The following USPL1 variants were observed in gnomAD, a reference collection of about 807,000 sequenced individuals.
USPL1 encodes SUMO-specific isopeptidase USPL1.
A neutral mutation model predicts 51.5 loss-of-function variants in USPL1; 27 were observed. The ratio of observed to expected loss-of-function variants is 0.52; its 90% confidence interval spans 0.39 to 0.72. The LOEUF is 0.72. Ranked by LOEUF, USPL1 falls within the 30% of genes least tolerant of loss-of-function variation. USPL1 has a pLI of 0.00. For synonymous variants in USPL1, 451 were observed against 459.6 expected (o/e 0.98, Z 0.24); for missense variants, 1,226 against 1,268.0 (o/e 0.97, Z 0.50).
At chr13:30,639,364 T>G (rs1950917257) in intron 5 of USPL1, among the ~76,000 whole-genome samples, 1 of 151,950 alleles carries the variant, frequency 6.6e-6, no homozygotes, top group Admixed American at 6.6e-5. Context: ...CCCCTAATTT[T>G]CACTTTTTTT....
intron 3 of USPL1, among the ~76,000 whole-genome samples, chr13:30,623,789 A>G (rs1950675377): frequency 6.6e-6 from 1 of 152,130 alleles, no homozygotes; most frequent in Non-Finnish European, 1.5e-5. Context: ...CAAGCTGTAT[A>G]AAAATATCAA....
chr13:30,629,813 A>G (rs1950776278), intron 3 of USPL1, among the ~76,000 whole-genome samples: 1 of 152,114 alleles, frequency 6.6e-6, no homozygotes, highest in South Asian at 2.1e-4. Context: ...TGTTCCATCA[A>G]AGCTAGTCAC....
At chr13:30,654,349 C>G (rs1466219472) in intron 8 of USPL1, among the ~76,000 whole-genome samples, 1 of 151,752 alleles carries the variant, frequency 6.6e-6, no homozygotes, top group Non-Finnish European at 1.5e-5. Flanking sequence ...CTCTCATTCT[C>G]TCTCTCTCTC....
chr13:30,657,511 T>C lies in USPL1; in HGVS notation c.1434T>C (p.Cys478=). The C allele has an allele frequency of 4.3e-6, 7 of 1,610,798 alleles. No individual in the cohort carries two copies. The highest frequency in any genetic ancestry group is 5.9e-6 in the Non-Finnish European group (7 of 1,178,822). The change falls in exon 9 of 9, where the codon TGT becomes TGC. Residue 478 remains cysteine, a synonymous_variant. Coordinates refer to ENST00000255304, the MANE Select transcript of USPL1 (RefSeq NM_005800.5). ...WLECDDLKGP[C]SERHKKFEVP... ...AATGTGATGACTTAAAAGGCCCATG[T>C]TCTGAAAGGCACAAGAAATTTGAAG...
chr13:30,659,250 A>C lies in USPL1; in HGVS notation c.3173A>C (p.Lys1058Thr), dbSNP rs1951221788. The change falls in exon 9 of 9, where the codon AAG becomes ACG. Residue 1058 changes from lysine to threonine, a missense_variant. By Grantham distance (78) the Lys-to-Thr change is moderately conservative (BLOSUM62 -1). Coordinates refer to ENST00000255304, the MANE Select transcript of USPL1 (RefSeq NM_005800.5). ...ACATTAAACTTGGAGAGTCCGATGA[A>C]GACTGATATTTTCGATGAGTTTTTT... ...VRTLNLESPM[K>T]TDIFDEFFSS... 4.3e-6 allele frequency: 7 copies of C among 1,614,192 alleles called. No individual in the cohort carries two copies. The East Asian group carries it at 1.6e-4, about 36-fold the overall frequency.
At chr13:30,630,393 G>C (rs1950785434) in intron 3 of USPL1, among the ~76,000 whole-genome samples, 1 of 152,118 alleles carries the variant, frequency 6.6e-6, no homozygotes, top group Admixed American at 6.5e-5. Context: ...TGCATATTCA[G>C]TTTCAAAATA....
chr13:30,640,087 C>G (rs910644613), intron 5 of USPL1, among the ~76,000 whole-genome samples: 1 of 152,144 alleles, frequency 6.6e-6, no homozygotes, highest in African/African-American at 2.4e-5. Flanking sequence ...TATATTTTAG[C>G]TGAAGATCTT....
At chr13:30,627,510 T>G (rs1950734470) in intron 3 of USPL1, among the ~76,000 whole-genome samples, 1 of 132,428 alleles carries the variant, frequency 7.6e-6, no homozygotes. Context: ...TTATGGTTTA[T>G]TACTGTTTTG....
rs941849592 is a variant in USPL1, at chr13:30,659,600, T to C, written c.*244T>C. 2.1e-5 allele frequency: 8 copies of C among 375,078 alleles called. No homozygotes were observed. The East Asian group carries it at 3.6e-4, about 17-fold the overall frequency. 23.2% of individuals were successfully genotyped at this position (375,078 alleles called of 1,614,324 possible). A position where few individuals can be genotyped will look rare whatever the true frequency, so the allele number is the denominator to read the frequency against. ...TTGTGAGAGTATGAGGATTTCAAAA[T>C]GTTAAAGATGAAAAGTGGCGTCTAG... On this transcript the variant is annotated 3_prime_UTR_variant, in exon 9 of 9. Transcript: ENST00000255304.
At chr13:30,642,318 T>C (rs1950958785) in intron 5 of USPL1, among the ~76,000 whole-genome samples, 1 of 152,080 alleles carries the variant, frequency 6.6e-6, no homozygotes. Flanking sequence ...TTTTTTTTTT[T>C]CCTGAGAAAT....
intron 6 of USPL1, among the ~76,000 whole-genome samples, chr13:30,644,814 G>A (rs970406214): frequency 2.6e-5 from 4 of 152,136 alleles, no homozygotes; most frequent in African/African-American, 9.7e-5. Flanking sequence ...GCTTTTTGTT[G>A]AGTAAACTTT....
At chr13:30,641,004 G>C (rs1346122920) in intron 5 of USPL1, among the ~76,000 whole-genome samples, 5 of 152,294 alleles carry the variant, frequency 3.3e-5, no homozygotes, top group Non-Finnish European at 7.4e-5. Flanking sequence ...ATGTAGGCTG[G>C]TGTTCCACCT....
At chr13:30,654,367 C>G (rs1951131932) in intron 8 of USPL1, among the ~76,000 whole-genome samples, 1 of 151,870 alleles carries the variant, frequency 6.6e-6, no homozygotes. Flanking sequence ...CTCTCTTTCT[C>G]TCTCTCCTTC....
chr13:30,631,527 G>T (rs1435268218), intron 4 of USPL1, 53 bp downstream of exon 4: 16 of 1,483,046 alleles, frequency 1.1e-5, no homozygotes, highest in African/African-American at 8.5e-5. Flanking sequence ...TGGAGTCAGG[G>T]TCTCATTCTG....
At chr13:30,637,651 A>T in intron 4 of USPL1, 93 bp from the exon 5 acceptor site, 2 of 1,043,370 alleles carry the variant, frequency 1.9e-6, no homozygotes, top group Non-Finnish European at 2.8e-6. Context: ...TGCAAAACTT[A>T]CTGACTCAGC....
intron 7 of USPL1, among the ~76,000 whole-genome samples, chr13:30,652,367 T>C (rs1951102456): frequency 6.6e-6 from 1 of 152,238 alleles, no homozygotes; most frequent in Admixed American, 6.5e-5. Context: ...CAAATTCATT[T>C]AGGCTGAATA....
chr13:30,655,177 C>T (rs1951145161), intron 8 of USPL1, among the ~76,000 whole-genome samples: 1 of 152,150 alleles, frequency 6.6e-6, no homozygotes, highest in South Asian at 2.1e-4. Flanking sequence ...CCTCAGGTGA[C>T]CCACCCGCCT....
At chr13:30,622,025 T>C (rs373888499) in intron 3 of USPL1, 133 bp downstream of exon 3, 16 of 577,572 alleles carry the variant, frequency 2.8e-5, no homozygotes, top group Non-Finnish European at 4.1e-5. Flanking sequence ...AGTTTGTAAG[T>C]CTGTCTGGTA....
intron 6 of USPL1, among the ~76,000 whole-genome samples, chr13:30,644,034 C>G (rs993355844): frequency 1.3e-5 from 2 of 151,924 alleles, no homozygotes; most frequent in Non-Finnish European, 2.9e-5. Context: ...TCTGTAATCC[C>G]AGCACTTTGG....
Sources: allele counts gnomAD v4.1 joint callset (sites outside exome capture counted in the v4.1 genomes callset), GRCh38; gene constraint gnomAD v4.1.1; transcripts MANE v1.5; gene names NCBI Gene and HGNC (gene_info 2026-07-23, HGNC 2026-07-21).